Variants in SLC22A15 observed in about 807,000 individuals in gnomAD.
SLC22A15 encodes the protein solute carrier family 22 member 15, also known as flipt 1.
SLC22A15 carries 45 observed loss-of-function variants against 62.7 expected under a neutral mutation model. That is an observed-to-expected ratio of 0.72 (90% CI 0.56 to 0.92). The LOEUF is 0.92. Ranked by LOEUF, SLC22A15 falls within the 40% of genes least tolerant of loss-of-function variation. The probability of loss-of-function intolerance (pLI) is 0.00; values close to 1 mark genes in which losing one functional copy is unlikely to be tolerated. For missense variants in SLC22A15, 622 were observed against 665.6 expected, an observed-to-expected ratio of 0.93 and a Z score of 0.72; for synonymous variants, 264 against 267.0, an observed-to-expected ratio of 0.99 and a Z score of 0.11.
intron 2 of SLC22A15, among the ~76,000 whole-genome samples, chr1:116,000,755 C>T (rs1030809103): frequency 7.3e-5 from 11 of 151,392 alleles, no homozygotes; most frequent in Non-Finnish European, 2.9e-5. Flanking sequence ...CTCAGGCTCC[C>T]GAGTAGCTGG....
intron 2 of SLC22A15, among the ~76,000 whole-genome samples, chr1:115,999,943 C>T (rs768925906): frequency 3.3e-5 from 5 of 151,762 alleles, no homozygotes; most frequent in East Asian, 1.9e-4. Context: ...TTTTGGTTTC[C>T]GTTGGCATGG....
At chr1:115,982,265 A>G (rs1248255407) in intron 1 of SLC22A15, among the ~76,000 whole-genome samples, 2 of 152,230 alleles carry the variant, frequency 1.3e-5, no homozygotes, top group Admixed American at 1.3e-4. Context: ...ATAGTACTCA[A>G]CAAATGGCAT....
At chr1:116,022,970 G>A (rs796880110) in intron 4 of SLC22A15, among the ~76,000 whole-genome samples, 13 of 152,120 alleles carry the variant, frequency 8.5e-5, no homozygotes, top group African/African-American at 1.9e-4. Context: ...TTTGTCCTTG[G>A]TCTTTCTTTT....
intron 8 of SLC22A15, among the ~76,000 whole-genome samples, chr1:116,047,395 C>A (rs930522780): frequency 2.0e-5 from 3 of 152,188 alleles, no homozygotes; most frequent in Non-Finnish European, 4.4e-5. Flanking sequence ...CCACTGCACT[C>A]CAGCCTGGGC....
intron 8 of SLC22A15, among the ~76,000 whole-genome samples, chr1:116,043,930 T>C (rs1184266949): frequency 6.6e-6 from 1 of 152,200 alleles, no homozygotes; most frequent in Non-Finnish European, 1.5e-5. Flanking sequence ...AATAGCACCA[T>C]ATCTACTAAA....
intron 5 of SLC22A15, among the ~76,000 whole-genome samples, chr1:116,030,079 A>C (rs1657319990): frequency 6.6e-6 from 1 of 152,236 alleles, no homozygotes; most frequent in Non-Finnish European, 1.5e-5. Context: ...AATAATAATC[A>C]AATGGCAATG....
intron 2 of SLC22A15, among the ~76,000 whole-genome samples, chr1:116,009,148 T>C (rs911693352): frequency 2.6e-5 from 4 of 152,148 alleles, no homozygotes; most frequent in Admixed American, 6.5e-5. Context: ...CCTGCCCCAG[T>C]GACAACATTC....
At chr1:116,027,330 C>G (rs1406221035) in intron 5 of SLC22A15, 1 of 537,492 alleles carries the variant, frequency 1.9e-6, no homozygotes, top group Non-Finnish European at 3.7e-6. Context: ...GGTCTTCAGA[C>G]TGGATCACAT....
At chr1:116,058,962 G>A (rs1658304265) in intron 8 of SLC22A15, among the ~76,000 whole-genome samples, 1 of 152,166 alleles carries the variant, frequency 6.6e-6, no homozygotes, top group South Asian at 2.1e-4. Flanking sequence ...GGGACTTGGA[G>A]GGAAGCGGGG....
chr1:115,991,893 C>T, intron 1 of SLC22A15, 138 bp from the exon 2 acceptor site: 1 of 678,620 alleles, frequency 1.5e-6, no homozygotes, highest in Non-Finnish European at 2.5e-6. Context: ...TCCTTTGTTT[C>T]TGATGTGGCT....
At chr1:116,001,415 A>C (rs1203056640) in intron 2 of SLC22A15, among the ~76,000 whole-genome samples, 1 of 152,130 alleles carries the variant, frequency 6.6e-6, no homozygotes, top group Non-Finnish European at 1.5e-5. Flanking sequence ...TCTTTGAATA[A>C]ACTTTCTGTC....
intron 1 of SLC22A15, among the ~76,000 whole-genome samples, chr1:115,986,612 A>G (rs1257464339): frequency 6.6e-6 from 1 of 152,188 alleles, no homozygotes; most frequent in Non-Finnish European, 1.5e-5. Context: ...AAACTGGAAT[A>G]AGTGTGGAAG....
chr1:116,056,567 T>C (rs1658212387), intron 8 of SLC22A15, among the ~76,000 whole-genome samples: 1 of 151,692 alleles, frequency 6.6e-6, no homozygotes, highest in Non-Finnish European at 1.5e-5. Context: ...TTAAAGTTCA[T>C]ATGGAACCAA....
intron 3 of SLC22A15, among the ~76,000 whole-genome samples, chr1:116,020,114 C>T (rs2101317582): frequency 6.6e-6 from 1 of 152,124 alleles, no homozygotes; most frequent in East Asian, 1.9e-4. Flanking sequence ...TCTTGACAAG[C>T]TGAGTATGAG....
At chr1:116,018,466 A>G (rs1020102390) in intron 2 of SLC22A15, among the ~76,000 whole-genome samples, 6 of 151,944 alleles carry the variant, frequency 3.9e-5, no homozygotes, top group East Asian at 1.9e-4. Context: ...CCGGGTTCAC[A>G]CCATTCTCCT....
chr1:116,002,450 A>G (rs1247644003), intron 2 of SLC22A15, among the ~76,000 whole-genome samples: 2 of 151,986 alleles, frequency 1.3e-5, no homozygotes, highest in East Asian at 3.9e-4. Flanking sequence ...TCCCTTCTGG[A>G]CCAGGGTGGG....
chr1:116,016,685 C>T (rs763055523), intron 2 of SLC22A15, among the ~76,000 whole-genome samples: 1 of 152,132 alleles, frequency 6.6e-6, no homozygotes, highest in Non-Finnish European at 1.5e-5. Flanking sequence ...ACACCCCTTG[C>T]AGCCTTCTCT....
chr1:116,065,885 G>A (rs1424057808), intron 10 of SLC22A15, among the ~76,000 whole-genome samples: 2 of 152,170 alleles, frequency 1.3e-5, no homozygotes, highest in Non-Finnish European at 2.9e-5. Flanking sequence ...ATCTCTTTGT[G>A]ATGAAATGTT....
At chr1:116,006,611 T>C (rs1162063609) in intron 2 of SLC22A15, among the ~76,000 whole-genome samples, 1 of 152,102 alleles carries the variant, frequency 6.6e-6, no homozygotes, top group Non-Finnish European at 1.5e-5. Flanking sequence ...AGAATCGCTG[T>C]CTCCCTTGCC....
Sources: allele counts gnomAD v4.1 joint callset (sites outside exome capture counted in the v4.1 genomes callset), GRCh38; gene constraint gnomAD v4.1.1; transcripts MANE v1.5; gene names NCBI Gene and HGNC (gene_info 2026-07-23, HGNC 2026-07-21).